Variants in HOXA2 observed in about 807,000 individuals in gnomAD.
The protein encoded by HOXA2 is homeobox protein Hox-A2.
HOXA2 carries 4 observed loss-of-function variants against 27.2 expected under a neutral mutation model. The observed-to-expected ratio is 0.15, with a 90% confidence interval of 0.07 to 0.34. The LOEUF is 0.34. Among genes scored for constraint, HOXA2 ranks in the 10% least tolerant of loss-of-function variants. The pLI is 1.00. For missense variants in HOXA2, 430 were observed against 473.2 expected, an observed-to-expected ratio of 0.91 and a Z score of 0.85; for synonymous variants, 200 against 202.8, an observed-to-expected ratio of 0.99 and a Z score of 0.12.
chr7:27,100,606 T>C lies in HOXA2; in HGVS notation c.*120A>G. 1 of 1,058,282 alleles carries C rather than the reference T, an allele frequency of 9.4e-7. No homozygotes were observed. Among genetic ancestry groups the C allele is most frequent in the Non-Finnish European group, 1.4e-6 (1 of 697,674 alleles). 65.6% of individuals were successfully genotyped at this position (1,058,282 alleles called of 1,614,324 possible). On this transcript the variant is annotated 3_prime_UTR_variant, in exon 2 of 2. Transcript: ENST00000222718. The stretch of plus-strand genomic sequence containing the variant: ...CACTAAACAGAAAATCCTCAACACT[T>C]AAAGGAGGGAAGGGGTAGGTCAAGA...
At position 27,101,338 on chromosome 7, in the gene HOXA2, C is replaced by T. The variant is rs140982794; in HGVS notation, c.519G>A (p.Arg173=). The part of the protein sequence containing the change: ...HFNKYLCRPR[R]VEIAALLDLT... ...AATCCAGCAGCGCTGCAATCTCCACCCTTCGGGGTCTGCAAAGGTACTTGT... is the reference window on the plus strand; with the variant it reads ...AATCCAGCAGCGCTGCAATCTCCACTCTTCGGGGTCTGCAAAGGTACTTGT... The change falls in exon 2 of 2, where the codon AGG becomes AGA. Residue 173 remains arginine, a synonymous_variant. Transcript: ENST00000222718. 1.4e-5 allele frequency: 22 copies of T among 1,613,798 alleles called. No homozygotes were observed. Among genetic ancestry groups the T allele is most frequent in the Middle Eastern group, 3.3e-4 (2 of 6,084 alleles).
rs552586989 is a variant in HOXA2 at position 27,102,245 on chromosome 7, G to T, written c.256C>A (p.Pro86Thr). The T allele has an allele frequency of 2.2e-5, 32 of 1,484,858 alleles. 1 individual carries two copies. The South Asian group carries it at 4.2e-4, about 20-fold the overall frequency. 92.0% of individuals were successfully genotyped at this position (1,484,858 alleles called of 1,614,324 possible). A position where few individuals can be genotyped will look rare whatever the true frequency, so the allele number is the denominator to read the frequency against. ...TCGGGCGGCTGCAGGGCGCCGGCGG[G>T]CACCGGGCTGCCGCGGCTGCCCGCG... ...SPAGSRGSPV[P>T]AGALQPPEYP... Residue 86 changes from proline to threonine, a missense_variant, in exon 1 of 2, where the codon CCC (proline) becomes ACC (threonine). Around this residue, in one of 4 missense-constraint regions of HOXA2, gnomAD observed 166 missense variants for 207.6 expected, o/e 0.80. Coordinates refer to ENST00000222718, the MANE Select transcript of HOXA2 (RefSeq NM_006735.4). This position sits in a 1 kb window ranked among gnomAD's most constrained non-coding sequence, Gnocchi z 4.6.
Position 27,102,071 on chromosome 7 carries a change from G to A in HOXA2, c.391+39C>T, listed in dbSNP as rs780275019. The A allele has an allele frequency of 6.2e-7, 1 of 1,603,858 alleles. No individual in the cohort carries two copies. The highest frequency in any genetic ancestry group is 8.5e-7 in the Non-Finnish European group (1 of 1,176,202). The stretch of plus-strand genomic sequence containing the variant: ...CTCTCGGGGCAGCCCGGAGAAGGAA[G>A]AGGGTCCCAGAGACCTGGGGCCAAG... On this transcript the variant is annotated intron_variant, in intron 1 of 1. Coordinates refer to ENST00000222718, the MANE Select transcript of HOXA2 (RefSeq NM_006735.4). The surrounding 1 kb of genome is among the most constrained non-coding windows in gnomAD (Gnocchi z 4.6).
chr7:27,101,219 T>A lies in HOXA2; in HGVS notation c.638A>T (p.Lys213Ile), dbSNP rs1783920789. 3 of 1,614,226 alleles carry A rather than the reference T, an allele frequency of 1.9e-6. No individual in the cohort carries two copies. In the Admixed American group the frequency reaches 5.0e-5, roughly 27 times the overall value. Residue 213 changes from lysine to isoleucine, a missense_variant, in exon 2 of 2, where the codon AAA (lysine) becomes ATA (isoleucine). Transcript: ENST00000222718. ...CTCGGAGTCCTCAAGGCTTTTACAT[T>A]TCCCTTCGCTGTTTTGGTTTTCCTT... ...QCKENQNSEG[K>I]CKSLEDSEKV... is the part of the protein sequence containing the mutation.
chr7:27,101,473 A>G lies in HOXA2; in HGVS notation c.392-8T>C. On this transcript the variant is annotated splice_polypyrimidine_tract_variant and splice_region_variant and intron_variant, in intron 1 of 1. Coordinates refer to ENST00000222718, the MANE Select transcript of HOXA2 (RefSeq NM_006735.4). ...CGGCGATTTCCAGGGATTCTGCGGA[A>G]AGGGAAACCAACAAGAGACACACGC... 6.3e-7 allele frequency: 1 copy of G among 1,599,504 alleles called. No individual in the cohort carries two copies.
rs1783909255 is a variant in HOXA2, at chr7:27,100,671, A to G, written c.*55T>C. 1.2e-6 allele frequency: 2 copies of G among 1,602,288 alleles called. No individual in the cohort carries two copies. The highest frequency in any genetic ancestry group is 2.7e-5 in the African/African-American group (2 of 74,544). On this transcript the variant is annotated 3_prime_UTR_variant, in exon 2 of 2. Transcript: ENST00000222718. ...AAACTCCCAAATAAAAGAAGGCAAA[A>G]CCACCTGGTCAAAGGAGTTTTTGTT...
In HOXA2 at chr7:27,102,416, C is replaced by A; in HGVS notation, c.85G>T (p.Ala29Ser). Reference sequence around the variant, plus strand: ...ATTGATGAACTTTGAAATGTATCAGCGACAGGGGGAAAAGATGTCAGGCAC... The same window carrying A: ...ATTGATGAACTTTGAAATGTATCAGAGACAGGGGGAAAAGATGTCAGGCAC... ...AECLTSFPPV[A>S]DTFQSSSIKT... is the part of the protein sequence containing the mutation. Residue 29 changes from alanine (A) to serine (S), a missense_variant, in exon 1 of 2, where the codon GCT (alanine) becomes TCT (serine). By Grantham distance (99) the Ala-to-Ser change is moderately conservative (BLOSUM62 1). This residue lies in a region of HOXA2 where 166 missense variants were observed against 207.6 expected (regional missense o/e 0.80). Coordinates refer to ENST00000222718, the MANE Select transcript of HOXA2 (RefSeq NM_006735.4). This position sits in a 1 kb window ranked among gnomAD's most constrained non-coding sequence, Gnocchi z 4.6. The A allele has an allele frequency of 6.2e-7, 1 of 1,614,046 alleles. No homozygotes were observed. Among genetic ancestry groups the A allele is most frequent in the South Asian group, 1.1e-5 (1 of 91,078 alleles).
rs773263654 is a variant in HOXA2 at position 27,100,750 on chromosome 7, G to T, written c.1107C>A (p.Ile369=). ...TTTAGTAATTCAGATGCTGCAAGTCGATTGTGGTGAGTGTGTCTGTAAAAA... is the reference window on the plus strand; with the variant it reads ...TTTAGTAATTCAGATGCTGCAAGTCTATTGTGGTGAGTGTGTCTGTAAAAA... ...LDFFTDTLTT[I]DLQHLNY is the part of the protein sequence containing the mutation. The change falls in exon 2 of 2, where the codon ATC becomes ATA. Residue 369 remains isoleucine, a synonymous_variant. Transcript: ENST00000222718. The T allele has an allele frequency of 1.2e-6, 2 of 1,614,092 alleles. No individual in the cohort carries two copies. Among genetic ancestry groups the T allele is most frequent in the Admixed American group, 1.7e-5 (1 of 60,002 alleles).
At position 27,100,569 on chromosome 7, in the gene HOXA2, G is replaced by T; in HGVS notation, c.*157C>A. The T allele has an allele frequency of 1.3e-6, 1 of 760,420 alleles. No individual in the cohort carries two copies. The allele number at this position is 760,420 out of a possible 1,614,324, so 47.1% of individuals were successfully genotyped here. A position where few individuals can be genotyped will look rare whatever the true frequency, so the allele number is the denominator to read the frequency against. ...GTAAAAGATGGCTCTGTTTGAAACT[G>T]GGTCAGGGAATCACTAAACAGAAAA... On this transcript the variant is annotated 3_prime_UTR_variant, in exon 2 of 2. Coordinates refer to ENST00000222718, the MANE Select transcript of HOXA2 (RefSeq NM_006735.4).
In HOXA2 at chr7:27,101,450, G is replaced by C; in HGVS notation, c.407C>G (p.Ala136Gly). The C allele has an allele frequency of 4.4e-6, 7 of 1,600,300 alleles. No homozygotes were observed. The highest frequency in any genetic ancestry group is 5.9e-6 in the Non-Finnish European group (7 of 1,179,964). Residue 136 changes from alanine to glycine, a missense_variant, in exon 2 of 2, where the codon GCC (alanine) becomes GGC (glycine). Coordinates refer to ENST00000222718, the MANE Select transcript of HOXA2 (RefSeq NM_006735.4). ...CCGCGATCCCCCGCCGCTGCCATCG[G>C]CGATTTCCAGGGATTCTGCGGAAAG... ...CLSHKESLEI[A>G]DGSGGGSRRL...
chr7:27,102,382 G>C lies in HOXA2; in HGVS notation c.119C>G (p.Ser40Trp). ...AATCAGTGTCGAGTGTGAAAGCGTCGAGGTCTTGATTGATGAACTTTGAAA... is the reference window on the plus strand; with the variant it reads ...AATCAGTGTCGAGTGTGAAAGCGTCCAGGTCTTGATTGATGAACTTTGAAA... ...DTFQSSSIKT[S>W]TLSHSTLIPP... is the part of the protein sequence containing the mutation. The change falls in exon 1 of 2, where the codon TCG becomes TGG. Residue 40 changes from serine to tryptophan, a missense_variant. Physicochemically the swap from Ser to Trp is radical, Grantham distance 177 (BLOSUM62 -3). Transcript: ENST00000222718. The surrounding 1 kb of genome is among the most constrained non-coding windows in gnomAD (Gnocchi z 4.6). 6.2e-7 allele frequency: 1 copy of C among 1,614,128 alleles called. No individual in the cohort carries two copies. The highest frequency in any genetic ancestry group is 8.5e-7 in the Non-Finnish European group (1 of 1,179,992).
chr7:27,102,600 A>G lies in HOXA2; in HGVS notation c.-100T>C. 1.7e-6 allele frequency: 2 copies of G among 1,191,430 alleles called. No homozygotes were observed. The highest frequency in any genetic ancestry group is 2.4e-6 in the Non-Finnish European group (2 of 818,878). 73.8% of individuals were successfully genotyped at this position (1,191,430 alleles called of 1,614,324 possible). ...AAAAGGCGAGCGCAGAGGAAAAAAA[A>G]TCTATCATAGAATATCGCTGCTAGG... is the stretch of plus-strand genomic sequence containing the variant. On this transcript the variant is annotated 5_prime_UTR_variant, in exon 1 of 2. Coordinates refer to ENST00000222718, the MANE Select transcript of HOXA2 (RefSeq NM_006735.4). The surrounding 1 kb of genome is among the most constrained non-coding windows in gnomAD (Gnocchi z 4.6).
In HOXA2 at chr7:27,100,903, C is replaced by T. The variant is rs138659027; in HGVS notation, c.954G>A (p.Glu318=). The T allele has an allele frequency of 9.5e-5, 153 of 1,614,212 alleles. No individual in the cohort carries two copies. In the African/African-American group the frequency reaches 1.8e-3, roughly 19 times the overall value. The part of the protein sequence containing the change: ...GLNNDSPEAL[E]VPSLQDFSVF... ...CGCTAAAGTCCTGCAAAGAGGGGACCTCAAGGGCCTCAGGACTGTCATTGT... is the reference window on the plus strand; with the variant it reads ...CGCTAAAGTCCTGCAAAGAGGGGACTTCAAGGGCCTCAGGACTGTCATTGT... The change falls in exon 2 of 2, where the codon GAG becomes GAA. Residue 318 remains glutamate, a synonymous_variant. Coordinates refer to ENST00000222718, the MANE Select transcript of HOXA2 (RefSeq NM_006735.4).
At chr7:27,101,585 C>G in intron 1 of HOXA2, 120 bp from the exon 2 acceptor site, 2 of 1,159,568 alleles carry the variant, frequency 1.7e-6, no homozygotes. Context: ...AAATGGCCGC[C>G]CCTGGATGCA....
chr7:27,101,503 T>C (rs761803005), intron 1 of HOXA2, 38 bp from the exon 2 acceptor site: 22 of 1,598,080 alleles, frequency 1.4e-5, no homozygotes, highest in Non-Finnish European at 1.9e-5. Flanking sequence ...ACACGCACAG[T>C]TGGAGGTGGA....
At position 27,102,657 on chromosome 7, in the gene HOXA2, G is replaced by T. The variant is rs1442456437; in HGVS notation, c.-157C>A. The T allele has an allele frequency of 3.0e-6, 2 of 669,720 alleles. No homozygotes were observed. The highest frequency in any genetic ancestry group is 2.8e-5 in the East Asian group (1 of 36,220). The allele number at this position is 669,720 out of a possible 1,614,324, so 41.5% of individuals were successfully genotyped here. A position where few individuals can be genotyped will look rare whatever the true frequency, so the allele number is the denominator to read the frequency against. On this transcript the variant is annotated 5_prime_UTR_variant, in exon 1 of 2. Coordinates refer to ENST00000222718, the MANE Select transcript of HOXA2 (RefSeq NM_006735.4). The surrounding 1 kb of genome is among the most constrained non-coding windows in gnomAD (Gnocchi z 4.6). Reference sequence around the variant, plus strand: ...TTTTTCTAATTCACTGATTACAGCCGTATGGGGACCGCGCTACTATTAAAC... The same window carrying T: ...TTTTTCTAATTCACTGATTACAGCCTTATGGGGACCGCGCTACTATTAAAC...
At position 27,100,737 on chromosome 7, in the gene HOXA2, G is replaced by A; in HGVS notation, c.1120C>T (p.Leu374=). Residue 374 remains leucine, a synonymous_variant, in exon 2 of 2, where the codon CTG becomes TTG. Coordinates refer to ENST00000222718, the MANE Select transcript of HOXA2 (RefSeq NM_006735.4). Reference sequence around the variant, plus strand: ...TTGCTTTAATGTTTTTAGTAATTCAGATGCTGCAAGTCGATTGTGGTGAGT... The same window carrying A: ...TTGCTTTAATGTTTTTAGTAATTCAAATGCTGCAAGTCGATTGTGGTGAGT... ...DTLTTIDLQH[L]NY The A allele has an allele frequency of 6.2e-7, 1 of 1,614,188 alleles. No individual in the cohort carries two copies. The highest frequency in any genetic ancestry group is 8.5e-7 in the Non-Finnish European group (1 of 1,180,040).
Position 27,100,984 on chromosome 7 carries a change from T to C in HOXA2, c.873A>G (p.Ser291=). ...EKNLKHFQHQ[S]PTVPNCLSTM... ...TTGACAAGCAGTTGGGAACAGTGGG[T>C]GACTGGTGCTGAAAATGTTTCAGAT... Residue 291 remains serine (S), a synonymous_variant, in exon 2 of 2, where the codon TCA becomes TCG. Transcript: ENST00000222718. 2.5e-6 allele frequency: 4 copies of C among 1,614,122 alleles called. No homozygotes were observed. Among genetic ancestry groups the C allele is most frequent in the Non-Finnish European group, 3.4e-6 (4 of 1,180,030 alleles).
Position 27,102,097 on chromosome 7 carries a change from T to C in HOXA2, c.391+13A>G. The stretch of plus-strand genomic sequence containing the variant: ...AGGGTCCCAGAGACCTGGGGCCAAG[T>C]CTTTGGACTGACCTTTGTGGCTGAG... On this transcript the variant is annotated intron_variant, in intron 1 of 1. Coordinates refer to ENST00000222718, the MANE Select transcript of HOXA2 (RefSeq NM_006735.4). The surrounding 1 kb of genome is among the most constrained non-coding windows in gnomAD (Gnocchi z 4.6). 6.2e-7 allele frequency: 1 copy of C among 1,607,468 alleles called. No individual in the cohort carries two copies. The highest frequency in any genetic ancestry group is 8.5e-7 in the Non-Finnish European group (1 of 1,177,866).
Sources: gnomAD v4.1 joint callset for allele counts on GRCh38, gnomAD v4.1.1 for gene constraint, gnomAD v4.1.1 regional missense constraint, Gnocchi (gnomAD v3.1) non-coding constraint, MANE v1.5 for transcripts, NCBI Gene and HGNC (gene_info 2026-07-23, HGNC 2026-07-21) for gene names.